The following LRRC69 variants were observed in gnomAD, a reference collection of about 807,000 sequenced individuals.
LRRC69 encodes leucine rich repeat containing 69.
In LRRC69, 42 loss-of-function variants were observed where a neutral mutation model predicts 37.8. The ratio of observed to expected loss-of-function variants is 1.11; its 90% CI spans 0.87 to 1.44. LRRC69 has a LOEUF of 1.44. Ranked by LOEUF, LRRC69 falls within the 40% of genes most tolerant of loss-of-function variation. The pLI is 0.00. For synonymous variants in LRRC69, 141 were observed against 143.1 expected (o/e 0.99, Z 0.11); for missense variants, 357 against 401.9 (o/e 0.89, Z 0.96).
chr8:91,179,886 G>A (rs76784212), intron 5 of LRRC69, among the ~76,000 whole-genome samples: 1,662 of 152,232 alleles, frequency 0.011, 26 homozygotes, highest in African/African-American at 0.037. Context: ...ATGAAACGTC[G>A]TATGTGTAGG....
chr8:91,102,960 T>C, intron 1 of LRRC69, 116 bp downstream of exon 1: 2 of 998,094 alleles, frequency 2.0e-6, no homozygotes, highest in South Asian at 4.1e-5. Context: ...CTTAGGTATC[T>C]GGAGACTTAA....
intron 7 of LRRC69, among the ~76,000 whole-genome samples, chr8:91,217,645 T>C (rs998433717): frequency 7.2e-5 from 11 of 152,230 alleles, no homozygotes; most frequent in South Asian, 4.1e-4. Flanking sequence ...AGTTGCTCTC[T>C]CACTCCCCCA....
chr8:91,167,192 G>A (rs1171630150), intron 5 of LRRC69, among the ~76,000 whole-genome samples: 1 of 151,834 alleles, frequency 6.6e-6, no homozygotes, highest in Non-Finnish European at 1.5e-5. Flanking sequence ...ACCCGAGACT[G>A]GGTAATTATA....
At chr8:91,141,026 T>G (rs1203660987) in intron 5 of LRRC69, among the ~76,000 whole-genome samples, 1 of 152,086 alleles carries the variant, frequency 6.6e-6, no homozygotes, top group Non-Finnish European at 1.5e-5. Context: ...TCTGACATTT[T>G]TATTTATTGC....
chr8:91,176,151 T>TTTTTTTTTC (rs1348253771), intron 5 of LRRC69, among the ~76,000 whole-genome samples: 1 of 144,446 alleles, frequency 6.9e-6, no homozygotes, highest in African/African-American at 2.6e-5. Context: ...TTTTTTCTTT[T>TTTTTTTTTC]TTTTGAGACA....
intron 5 of LRRC69, among the ~76,000 whole-genome samples, chr8:91,150,450 G>A (rs1337613535): frequency 6.6e-6 from 1 of 151,958 alleles, no homozygotes; most frequent in Non-Finnish European, 1.5e-5. Context: ...TGATCATGGT[G>A]GATAAGCTTT....
intron 5 of LRRC69, chr8:91,157,658 T>C (rs1586253937): frequency 1.3e-6 from 2 of 1,584,562 alleles, no homozygotes; most frequent in Non-Finnish European, 1.7e-6. Flanking sequence ...ACTTTTAATG[T>C]TGAATGCCTT....
chr8:91,107,408 A>G (rs1263956271), intron 1 of LRRC69, among the ~76,000 whole-genome samples: 1 of 151,862 alleles, frequency 6.6e-6, no homozygotes, highest in Non-Finnish European at 1.5e-5. Flanking sequence ...AAGTGCTGGG[A>G]TTACAGGCAT....
chr8:91,169,516 G>A (rs983446555), intron 5 of LRRC69, among the ~76,000 whole-genome samples: 12 of 117,170 alleles, frequency 1.0e-4, no homozygotes, highest in Non-Finnish European at 2.2e-4. Context: ...ACATATGTGT[G>A]TATATAATTT....
At chr8:91,155,734 G>T (rs1808821899) in intron 5 of LRRC69, among the ~76,000 whole-genome samples, 1 of 150,474 alleles carries the variant, frequency 6.6e-6, no homozygotes, top group Non-Finnish European at 1.5e-5. Context: ...ATAACATGCG[G>T]TATTTATCTT....
intron 5 of LRRC69, among the ~76,000 whole-genome samples, chr8:91,181,530 T>C (rs747740927): frequency 4.6e-5 from 7 of 152,198 alleles, no homozygotes; most frequent in Non-Finnish European, 8.8e-5. Context: ...ATAACATACA[T>C]GCAAACTAAG....
At chr8:91,192,995 T>C (rs550905134) in intron 6 of LRRC69, among the ~76,000 whole-genome samples, 3 of 152,194 alleles carry the variant, frequency 2.0e-5, no homozygotes, top group African/African-American at 7.2e-5. Flanking sequence ...AACGTTTAAG[T>C]CTTTAATCCA....
chr8:91,115,064 T>C (rs1813484524), intron 1 of LRRC69, among the ~76,000 whole-genome samples: 1 of 151,598 alleles, frequency 6.6e-6, no homozygotes, highest in Non-Finnish European at 1.5e-5. Flanking sequence ...AGGGGAGATG[T>C]AGGTCAAAGG....
At chr8:91,180,788 A>G (rs972070952) in intron 5 of LRRC69, among the ~76,000 whole-genome samples, 2 of 152,176 alleles carry the variant, frequency 1.3e-5, no homozygotes, top group African/African-American at 4.8e-5. Context: ...CAAAGAATCT[A>G]CACAACCTGG....
intron 5 of LRRC69, among the ~76,000 whole-genome samples, chr8:91,153,048 G>A (rs1808769092): frequency 6.6e-6 from 1 of 151,152 alleles, no homozygotes; most frequent in African/African-American, 2.4e-5. Context: ...CAAGCAAATG[G>A]CAAGCAGATA....
At chr8:91,121,203 T>C (rs1205414532) in intron 1 of LRRC69, among the ~76,000 whole-genome samples, 1 of 152,060 alleles carries the variant, frequency 6.6e-6, no homozygotes, top group Non-Finnish European at 1.5e-5. Flanking sequence ...CACTGCAGTA[T>C]TGCCTCTGTG....
intron 5 of LRRC69, among the ~76,000 whole-genome samples, chr8:91,151,081 T>C (rs1808728927): frequency 6.6e-6 from 1 of 151,626 alleles, no homozygotes; most frequent in Non-Finnish European, 1.5e-5. Flanking sequence ...GTGTCTCTAT[T>C]TCCTTCAGTT....
At chr8:91,197,597 C>G (rs186753463) in intron 6 of LRRC69, among the ~76,000 whole-genome samples, 327 of 152,232 alleles carry the variant, frequency 2.1e-3, no homozygotes, top group Middle Eastern at 3.4e-3. Flanking sequence ...GTGGGAGTGA[C>G]CCGATTTTCC....
intron 7 of LRRC69, among the ~76,000 whole-genome samples, chr8:91,211,022 G>A (rs1809904945): frequency 6.6e-6 from 1 of 152,052 alleles, no homozygotes; most frequent in Non-Finnish European, 1.5e-5. Flanking sequence ...CACCTACAAA[G>A]CAGCAGCAAT....
Sources: gnomAD v4.1 joint callset for allele counts (sites outside exome capture counted in the v4.1 genomes callset) on GRCh38, gnomAD v4.1.1 for gene constraint, MANE v1.5 for transcripts, NCBI Gene and HGNC (gene_info 2026-07-23, HGNC 2026-07-21) for gene names.